Variants in FAM149B1 observed in about 807,000 individuals in gnomAD.
The protein encoded by FAM149B1 is primary cilium assembly protein FAM149B1.
FAM149B1 carries 56 observed loss-of-function variants against 75.3 expected under a neutral mutation model. That is an observed-to-expected ratio of 0.74 (90% confidence interval 0.60 to 0.93). The LOEUF is 0.93. FAM149B1 is among the 40% of genes least tolerant of loss of function. The pLI, the probability that FAM149B1 is intolerant of heterozygous loss-of-function variation, is 0.00. For synonymous variants in FAM149B1, 259 were observed against 256.1 expected (o/e 1.01, Z -0.11); for missense variants, 639 against 708.4 (o/e 0.90, Z 1.11).
intron 13 of FAM149B1, among the ~76,000 whole-genome samples, chr10:73,240,609 G>A (rs2043923602): frequency 6.6e-6 from 1 of 151,886 alleles, no homozygotes; most frequent in Non-Finnish European, 1.5e-5. Context: ...CTACTCGGGG[G>A]ACTGAGGCAG....
chr10:73,185,185 C>T (rs749296111), intron 3 of FAM149B1, among the ~76,000 whole-genome samples: 13 of 152,286 alleles, frequency 8.5e-5, no homozygotes, highest in Non-Finnish European at 1.8e-4. Context: ...AAAATTTAAA[C>T]AGCTCCATAC....
intron 7 of FAM149B1, among the ~76,000 whole-genome samples, chr10:73,219,810 A>G (rs1025494108): frequency 1.4e-4 from 21 of 152,154 alleles, no homozygotes; most frequent in Admixed American, 7.2e-4. Context: ...CTCTCAGAAG[A>G]AAACAAAGGA....
intron 3 of FAM149B1, among the ~76,000 whole-genome samples, chr10:73,190,626 T>G (rs1390616421): frequency 6.6e-6 from 1 of 152,064 alleles, no homozygotes; most frequent in Non-Finnish European, 1.5e-5. Flanking sequence ...AACACTGGAA[T>G]GTAAAAGGAT....
At chr10:73,215,310 C>T (rs2043272857) in intron 7 of FAM149B1, among the ~76,000 whole-genome samples, 2 of 152,164 alleles carry the variant, frequency 1.3e-5, no homozygotes, top group African/African-American at 4.8e-5. Context: ...CAGGCATGAG[C>T]TACCATGCTC....
Position 73,186,432 on chromosome 10 carries a change from G to C in FAM149B1, c.283-6124G>C, listed in dbSNP as rs113217884. On this transcript the variant is annotated intron_variant, in intron 3 of 13. Transcript: ENST00000242505. ...ACCTTCCCCTTAAGATTTAGAACAA[G>C]GTAAGGATGTCCACTCTTGCCACTT... 4.6e-5 allele frequency among the ~76,000 whole-genome samples: 7 copies of C among 152,254 alleles called. 1 individual carries two copies. The highest frequency in any genetic ancestry group is 1.7e-4 in the African/African-American group (7 of 41,552).
At chr10:73,238,449 G>A (rs2043871757) in intron 12 of FAM149B1, among the ~76,000 whole-genome samples, 1 of 152,226 alleles carries the variant, frequency 6.6e-6, no homozygotes, top group East Asian at 1.9e-4. Flanking sequence ...GTAAACTACA[G>A]TTCCTGGGCT....
In FAM149B1 at chr10:73,236,331, T is replaced by C. The variant is rs2043820737; in HGVS notation, c.1602+1013T>C. Among the ~76,000 whole-genome samples, 4 of 152,142 alleles carry C rather than the reference T, an allele frequency of 2.6e-5. 1 individual carries two copies. The highest frequency in any genetic ancestry group is 2.6e-4 in the Admixed American group (4 of 15,278). On this transcript the variant is annotated intron_variant, in intron 12 of 13. Coordinates refer to ENST00000242505, the MANE Select transcript of FAM149B1 (RefSeq NM_173348.2). Reference sequence around the variant, plus strand: ...CTTTGCAAGGTCTAGGGAAGAATCTTTTTGTCTCTTCCTGGATTCTGGTGG... The same window carrying C: ...CTTTGCAAGGTCTAGGGAAGAATCTCTTTGTCTCTTCCTGGATTCTGGTGG...
At chr10:73,208,819 CCT>C (rs528763214) in intron 6 of FAM149B1, 33 bp downstream of exon 6, 302 of 1,346,810 alleles carry the variant, frequency 2.2e-4, no homozygotes, top group Non-Finnish European at 2.7e-4. Context: ...TTTTTACTCC[CCT>C]CTTATTTTGT....
intron 8 of FAM149B1, among the ~76,000 whole-genome samples, chr10:73,229,726 G>A (rs1175323643): frequency 3.9e-5 from 6 of 152,210 alleles, no homozygotes; most frequent in Admixed American, 3.3e-4. Flanking sequence ...ATAGTTAGAC[G>A]TTCTGGTCGC....
At chr10:73,191,157 C>T (rs1043779661) in intron 3 of FAM149B1, among the ~76,000 whole-genome samples, 6 of 151,982 alleles carry the variant, frequency 3.9e-5, no homozygotes, top group Admixed American at 3.3e-4. Flanking sequence ...TCTCCTGCCT[C>T]AGCCTCCCAA....
At chr10:73,225,690 A>G (rs1478424554) in intron 7 of FAM149B1, among the ~76,000 whole-genome samples, 1 of 152,240 alleles carries the variant, frequency 6.6e-6, no homozygotes, top group Non-Finnish European at 1.5e-5. Flanking sequence ...CTAGGCCTTC[A>G]CATTCACTCA....
Position 73,230,189 on chromosome 10 carries a change from G to C in FAM149B1, c.1024-233G>C, listed in dbSNP as rs2043652815. On this transcript the variant is annotated intron_variant, in intron 8 of 13. Coordinates refer to ENST00000242505, the MANE Select transcript of FAM149B1 (RefSeq NM_173348.2). The stretch of plus-strand genomic sequence containing the variant: ...GCTGTTAATTGTTTTCATCCAGATT[G>C]ATCAGGCTTCCCCTACCTGCTGTCA... 3 of 407,870 alleles carry C rather than the reference G, an allele frequency of 7.4e-6. No homozygotes were observed. In the South Asian group the frequency reaches 9.8e-5, roughly 13 times the overall value. The allele number at this position is 407,870 out of a possible 1,614,324, so 25.3% of individuals were successfully genotyped here.
In FAM149B1 at chr10:73,168,290, G is replaced by C. The variant is rs1419246989; in HGVS notation, c.-50G>C. Reference sequence around the variant, plus strand: ...GGCCCGGAGGCCCCCACCCTGGCGTGCCTGCCCCGGCCGCGGCTGAGGAGG... The same window carrying C: ...GGCCCGGAGGCCCCCACCCTGGCGTCCCTGCCCCGGCCGCGGCTGAGGAGG... On this transcript the variant is annotated 5_prime_UTR_variant, in exon 1 of 14. Transcript: ENST00000242505. 1 of 1,544,602 alleles carries C rather than the reference G, an allele frequency of 6.5e-7. No homozygotes were observed. The highest frequency in any genetic ancestry group is 1.2e-5 in the South Asian group (1 of 83,776).
chr10:73,210,253 A>G lies in FAM149B1; in HGVS notation c.713A>G (p.Glu238Gly). 6.5e-7 allele frequency: 1 copy of G among 1,549,504 alleles called. No homozygotes were observed. Among genetic ancestry groups the G allele is most frequent in the Non-Finnish European group, 8.7e-7 (1 of 1,145,366 alleles). The part of the protein sequence containing the change: ...EYLAFDHIDI[E>G]EGFHGKKSEA... ...TTTCCTTCTTGCTTCTGTTACAGAGAAGAGGGATTTCATGGGAAGAAATCA... is the reference window on the plus strand; with the variant it reads ...TTTCCTTCTTGCTTCTGTTACAGAGGAGAGGGATTTCATGGGAAGAAATCA... The change falls in exon 7 of 14, where the codon GAA (glutamate) becomes GGA (glycine). Residue 238 changes from glutamate (E) to glycine (G), a missense_variant and splice_region_variant. Transcript: ENST00000242505.
Position 73,242,681 on chromosome 10 carries a change from A to C in FAM149B1, c.*1662A>C, listed in dbSNP as rs2043967960. The C allele has an allele frequency of 6.6e-6, 1 of 152,348 alleles. No homozygotes were observed. The highest frequency in any genetic ancestry group is 2.1e-4 in the South Asian group (1 of 4,830). 9.4% of individuals were successfully genotyped at this position (152,348 alleles called of 1,614,324 possible). On this transcript the variant is annotated 3_prime_UTR_variant, in exon 14 of 14. Coordinates refer to ENST00000242505, the MANE Select transcript of FAM149B1 (RefSeq NM_173348.2). ...GTAATCAGTGGCAGGACTACAACAT[A>C]CATCTCTTCATGCTAGGGAAACCAG...
intron 8 of FAM149B1, among the ~76,000 whole-genome samples, chr10:73,230,056 C>G (rs1254256538): frequency 6.6e-6 from 1 of 152,162 alleles, no homozygotes; most frequent in African/African-American, 2.4e-5. Context: ...GATTAAGTTA[C>G]AGTTTCCCCT....
rs768121993 is a variant in FAM149B1, at chr10:73,210,208, C to T, written c.711-43C>T. 88 of 1,371,266 alleles carry T rather than the reference C, an allele frequency of 6.4e-5. 1 individual carries two copies. In the South Asian group the frequency reaches 1.1e-3, roughly 18 times the overall value. 84.9% of individuals were successfully genotyped at this position (1,371,266 alleles called of 1,614,324 possible). A position where few individuals can be genotyped will look rare whatever the true frequency, so the allele number is the denominator to read the frequency against. On this transcript the variant is annotated intron_variant, in intron 6 of 13. Coordinates refer to ENST00000242505, the MANE Select transcript of FAM149B1 (RefSeq NM_173348.2). Reference sequence around the variant, plus strand: ...CAGACAATTTTAGAAAGGCAGCCTTCCCTTCAGCATCATGAAGTCTTTCCT... The same window carrying T: ...CAGACAATTTTAGAAAGGCAGCCTTTCCTTCAGCATCATGAAGTCTTTCCT...
At chr10:73,176,026 C>T (rs1340401551) in intron 2 of FAM149B1, among the ~76,000 whole-genome samples, 1 of 152,112 alleles carries the variant, frequency 6.6e-6, no homozygotes, top group Non-Finnish European at 1.5e-5. Context: ...ATTATTTTTA[C>T]ATTGTAATAT....
At chr10:73,234,638 A>T in intron 10 of FAM149B1, 179 bp from the exon 11 acceptor site, 1 of 652,794 alleles carries the variant, frequency 1.5e-6, no homozygotes, top group Non-Finnish European at 2.6e-6. Context: ...ATCAGAAAAC[A>T]CTATTTTAAA....
Sources: allele counts gnomAD v4.1 joint callset (sites outside exome capture counted in the v4.1 genomes callset), GRCh38; gene constraint gnomAD v4.1.1; transcripts MANE v1.5; gene names NCBI Gene and HGNC (gene_info 2026-07-23, HGNC 2026-07-21).